The following EPHB1 variants were observed in gnomAD, a reference collection of about 807,000 sequenced individuals.
EPHB1 encodes the protein ephrin type-B receptor 1.
EPHB1 carries 30 observed loss-of-function variants against 94.4 expected under a neutral mutation model. The observed-to-expected ratio is 0.32, with a 90% CI of 0.24 to 0.43. EPHB1 has a LOEUF of 0.43. EPHB1 is among the 20% of genes least tolerant of loss of function. The probability of loss-of-function intolerance (pLI) is 1.00; values close to 1 mark genes in which losing one functional copy is unlikely to be tolerated. For missense variants in EPHB1, 1,055 were observed against 1,308.3 expected (o/e 0.81, Z 2.99); for synonymous variants, 522 against 489.1 (o/e 1.07, Z -0.89).
Position 134,795,542 on chromosome 3 carries a change from C to T in EPHB1, c.-90C>T. Reference sequence around the variant, plus strand: ...GCGCGAAAGGATACCGAGAAGCCACCCGCGGAGAGCGCAGCGGCGCCCTGG... The same window carrying T: ...GCGCGAAAGGATACCGAGAAGCCACTCGCGGAGAGCGCAGCGGCGCCCTGG... On this transcript the variant is annotated 5_prime_UTR_variant, in exon 1 of 16. Transcript: ENST00000398015. The T allele has an allele frequency of 7.8e-7, 1 of 1,286,384 alleles. No individual in the cohort carries two copies. The highest frequency in any genetic ancestry group is 1.1e-6 in the Non-Finnish European group (1 of 923,712). The allele number at this position is 1,286,384 out of a possible 1,614,324, so 79.7% of individuals were successfully genotyped here.
At chr3:135,039,376 C>T (rs554781762) in intron 3 of EPHB1, among the ~76,000 whole-genome samples, 58 of 152,346 alleles carry the variant, frequency 3.8e-4, no homozygotes, top group Non-Finnish European at 6.9e-4. Flanking sequence ...TAGTGGATCC[C>T]GCACTGGGGC....
intron 3 of EPHB1, among the ~76,000 whole-genome samples, chr3:135,034,128 A>G (rs952966331): frequency 6.6e-6 from 1 of 152,158 alleles, no homozygotes; most frequent in East Asian, 1.9e-4. Context: ...GAAATGAGCC[A>G]CTTCAAAGCT....
intron 4 of EPHB1, among the ~76,000 whole-genome samples, chr3:135,111,869 G>T (rs1169078475): frequency 1.3e-5 from 2 of 152,088 alleles, no homozygotes; most frequent in African/African-American, 4.8e-5. Context: ...TAGTAGAGAT[G>T]GGGTTTCACC....
At chr3:134,866,915 A>G (rs2037392254) in intron 1 of EPHB1, among the ~76,000 whole-genome samples, 1 of 152,202 alleles carries the variant, frequency 6.6e-6, no homozygotes, top group East Asian at 1.9e-4. Context: ...AAACTCCACA[A>G]GGACAGAAAA....
At chr3:134,905,464 C>T (rs527687625) in intron 1 of EPHB1, among the ~76,000 whole-genome samples, 10 of 152,366 alleles carry the variant, frequency 6.6e-5, no homozygotes, top group Non-Finnish European at 1.5e-4. Flanking sequence ...CCAGCATTGC[C>T]AACCAGGGGG....
rs563437742 is a variant in EPHB1, at chr3:135,212,392, G to A, written c.2346+10703G>A. 5.3e-5 allele frequency among the ~76,000 whole-genome samples: 8 copies of A among 152,208 alleles called. No individual in the cohort carries two copies. The South Asian group carries it at 1.0e-3, about 20-fold the overall frequency. On this transcript the variant is annotated intron_variant, in intron 12 of 15. Transcript: ENST00000398015. Reference sequence around the variant, plus strand: ...GAAGTTTGGGATTATAAACATGAACGTTATGATGTGGTGATTGGATTCTGC... The same window carrying A: ...GAAGTTTGGGATTATAAACATGAACATTATGATGTGGTGATTGGATTCTGC...
At chr3:135,218,619 G>C (rs1943208423) in intron 12 of EPHB1, among the ~76,000 whole-genome samples, 1 of 152,188 alleles carries the variant, frequency 6.6e-6, no homozygotes, top group African/African-American at 2.4e-5. Flanking sequence ...TGTGGGAGGG[G>C]CCAGCCACCT....
At chr3:134,949,399 A>C (rs1225701737) in intron 2 of EPHB1, among the ~76,000 whole-genome samples, 1 of 147,986 alleles carries the variant, frequency 6.8e-6, no homozygotes, top group African/African-American at 2.6e-5. Context: ...GCCAGCTCTC[A>C]ATGTGCCCAT....
intron 1 of EPHB1, among the ~76,000 whole-genome samples, chr3:134,898,166 G>A (rs2038123043): frequency 6.6e-6 from 1 of 152,128 alleles, no homozygotes; most frequent in African/African-American, 2.4e-5. Flanking sequence ...CTGCACATGG[G>A]CCAAGCGTTT....
At chr3:135,198,921 A>G (rs1053056610) in intron 11 of EPHB1, among the ~76,000 whole-genome samples, 3 of 152,186 alleles carry the variant, frequency 2.0e-5, no homozygotes, top group African/African-American at 7.2e-5. Context: ...CTGGATCCAA[A>G]TCAGGTCTGC....
rs1348689881 is a variant in EPHB1, at chr3:134,885,671, G to A, written c.59-40145G>A. Among the ~76,000 whole-genome samples the A allele has an allele frequency of 5.3e-5, 8 of 151,536 alleles. No homozygotes were observed. The East Asian group carries it at 5.8e-4, about 11-fold the overall frequency. The stretch of plus-strand genomic sequence containing the variant: ...TTGTGAGAAGAAAGGGCTCCATAGC[G>A]GAGAACATTTGGAAAACTTCTGGGT... On this transcript the variant is annotated intron_variant, in intron 1 of 15. Coordinates refer to ENST00000398015, the MANE Select transcript of EPHB1 (RefSeq NM_004441.5).
chr3:134,812,396 T>G lies in EPHB1; in HGVS notation c.58+16707T>G, dbSNP rs184709698. ...TGTGCTCTTTATTTGTTTGACTTCT[T>G]TCACTTAGCATGAGTATTTGAGATT... On this transcript the variant is annotated intron_variant, in intron 1 of 15. Transcript: ENST00000398015. Among the ~76,000 whole-genome samples the G allele has an allele frequency of 3.9e-5, 6 of 152,366 alleles. No homozygotes were observed. The East Asian group carries it at 7.7e-4, about 20-fold the overall frequency.
chr3:135,044,810 C>T (rs576451529), intron 3 of EPHB1, among the ~76,000 whole-genome samples: 9 of 152,294 alleles, frequency 5.9e-5, no homozygotes, highest in African/African-American at 2.2e-4. Context: ...AATAAGCTGC[C>T]TACTCATTTC....
chr3:135,031,334 G>A (rs558913421), intron 3 of EPHB1, among the ~76,000 whole-genome samples: 8 of 151,928 alleles, frequency 5.3e-5, no homozygotes, highest in Admixed American at 3.9e-4. Context: ...TTTCTTGATG[G>A]GGTCTCACTC....
chr3:135,235,719 G>T (rs528912624), intron 12 of EPHB1, among the ~76,000 whole-genome samples: 50 of 152,278 alleles, frequency 3.3e-4, no homozygotes, highest in Non-Finnish European at 6.6e-4. Flanking sequence ...GCTTTCAGCC[G>T]GTGTTGTTGT....
intron 3 of EPHB1, among the ~76,000 whole-genome samples, chr3:134,970,298 A>G (rs922796391): frequency 6.6e-6 from 1 of 152,236 alleles, no homozygotes; most frequent in Non-Finnish European, 1.5e-5. Context: ...TAAGGCATGC[A>G]GCTCATTTTA....
At chr3:134,916,166 G>A (rs1300703824) in intron 1 of EPHB1, among the ~76,000 whole-genome samples, 1 of 151,592 alleles carries the variant, frequency 6.6e-6, no homozygotes, top group East Asian at 1.9e-4. Context: ...CCAGACACAG[G>A]GTGCTGATTG....
At chr3:135,015,809 A>G (rs1353956784) in intron 3 of EPHB1, among the ~76,000 whole-genome samples, 1 of 152,182 alleles carries the variant, frequency 6.6e-6, no homozygotes, top group Non-Finnish European at 1.5e-5. Flanking sequence ...GCCTCTTTGA[A>G]GAGGTGACAC....
intron 3 of EPHB1, among the ~76,000 whole-genome samples, chr3:134,964,850 A>G (rs1413829903): frequency 2.6e-5 from 4 of 152,194 alleles, no homozygotes; most frequent in South Asian, 4.1e-4. Context: ...TCATTGATAG[A>G]ATTTTAATGA....
Sources: gnomAD v4.1 joint callset for allele counts (sites outside exome capture counted in the v4.1 genomes callset) on GRCh38, gnomAD v4.1.1 for gene constraint, MANE v1.5 for transcripts, NCBI Gene and HGNC (gene_info 2026-07-23, HGNC 2026-07-21) for gene names.